Variants in GNPTAB observed in about 807,000 individuals in gnomAD.
The protein encoded by GNPTAB is N-acetylglucosamine-1-phosphate transferase subunits alpha and beta, also known as N-acetylglucosamine-1-phosphotransferase subunits alpha/beta.
Under a neutral mutation model 136.6 loss-of-function variants are expected in GNPTAB, and 92 were observed. That is an observed-to-expected ratio of 0.67 (90% CI 0.57 to 0.80). The LOEUF is 0.80. Among genes scored for constraint, GNPTAB ranks in the 30% least tolerant of loss-of-function variants. The pLI is 0.00. For synonymous variants in GNPTAB, 512 were observed against 535.1 expected, an observed-to-expected ratio of 0.96 and a Z score of 0.60; for missense variants, 1,343 against 1,501.8, an observed-to-expected ratio of 0.89 and a Z score of 1.75.
intron 1 of GNPTAB, among the ~76,000 whole-genome samples, chr12:101,798,818 CATGTTTCTTACGTATTTTTCAT>C: frequency 6.6e-6 from 1 of 152,312 alleles, no homozygotes; most frequent in Non-Finnish European, 1.5e-5. Flanking sequence ...AGTGATCTCT[CATGTTTCTTACGTATTTTTCAT>C]ATTTAGTGCA....
chr12:101,820,385 T>C (rs1021088904), intron 1 of GNPTAB, among the ~76,000 whole-genome samples: 2 of 152,186 alleles, frequency 1.3e-5, no homozygotes, highest in African/African-American at 4.8e-5. Flanking sequence ...AATCTGTCCA[T>C]TTCTCTTCCT....
intron 1 of GNPTAB, among the ~76,000 whole-genome samples, chr12:101,822,902 C>A (rs1566102309): frequency 1.3e-5 from 2 of 152,192 alleles, no homozygotes. Context: ...TTACAGCCAG[C>A]TGCCTACCCA....
chr12:101,804,269 T>C (rs1215598262), intron 1 of GNPTAB, among the ~76,000 whole-genome samples: 1 of 149,102 alleles, frequency 6.7e-6, no homozygotes. Context: ...CTCTACTATA[T>C]AAAAGTCATA....
intron 1 of GNPTAB, among the ~76,000 whole-genome samples, chr12:101,811,707 C>G (rs1870246672): frequency 1.3e-5 from 2 of 149,524 alleles, no homozygotes; most frequent in African/African-American, 4.9e-5. Context: ...GGTGAGATCT[C>G]AGCTCACTGC....
chr12:101,800,873 T>C (rs1463898164), intron 1 of GNPTAB, among the ~76,000 whole-genome samples: 2 of 151,976 alleles, frequency 1.3e-5, no homozygotes, highest in Non-Finnish European at 2.9e-5. Flanking sequence ...TTGAAGCTTC[T>C]AAGCACACTC....
chr12:101,796,485 G>T, intron 2 of GNPTAB, 192 bp downstream of exon 2: 1 of 616,182 alleles, frequency 1.6e-6, no homozygotes, highest in South Asian at 2.0e-5. Flanking sequence ...TCTCTGTATC[G>T]TTCCAGTTTT....
chr12:101,810,422 T>TATATATATAC (rs1333881296), intron 1 of GNPTAB: 1 of 94,436 alleles, frequency 1.1e-5, no homozygotes, highest in East Asian at 3.1e-4. Flanking sequence ...TATATATATA[T>TATATATATAC]ACACACACAT....
chr12:101,821,057 CAAAAAAAAAAAA>C (rs57630700), intron 1 of GNPTAB, among the ~76,000 whole-genome samples: 4 of 28,686 alleles, frequency 1.4e-4, no homozygotes, highest in Admixed American at 4.2e-4. Flanking sequence ...GACTCCGTCT[CAAAAAAAAAAAA>C]AAAAAAAAAA....
intron 4 of GNPTAB, 22 bp from the exon 5 acceptor site, chr12:101,786,239 C>T: frequency 1.3e-6 from 2 of 1,572,374 alleles, no homozygotes; most frequent in African/African-American, 1.3e-5. Context: ...CACCAACATG[C>T]TTACAATTAC....
chr12:101,761,508 T>C, intron 14 of GNPTAB, 56 bp downstream of exon 14: 1 of 1,524,958 alleles, frequency 6.6e-7, no homozygotes, highest in South Asian at 1.1e-5. Flanking sequence ...TATGCACATT[T>C]CAAGTAGCCT....
At chr12:101,761,887 T>C (rs914826046) in intron 13 of GNPTAB, 124 bp from the exon 14 acceptor site, 24 of 765,636 alleles carry the variant, frequency 3.1e-5, no homozygotes, top group East Asian at 1.0e-4. Context: ...GCAAATGAAA[T>C]ACATGTTAAC....
intron 1 of GNPTAB, among the ~76,000 whole-genome samples, chr12:101,802,455 T>C (rs1269226547): frequency 6.6e-6 from 1 of 152,060 alleles, no homozygotes; most frequent in Non-Finnish European, 1.5e-5. Flanking sequence ...TGGTTCACAT[T>C]CTTGTCAGTG....
At chr12:101,770,796 A>G (rs1331638192) in intron 8 of GNPTAB, among the ~76,000 whole-genome samples, 200 bp downstream of exon 8, 1 of 152,174 alleles carries the variant, frequency 6.6e-6, no homozygotes, top group African/African-American at 2.4e-5. Context: ...TCTATAACAC[A>G]CTTTATGAAG....
intron 19 of GNPTAB, among the ~76,000 whole-genome samples, 163 bp downstream of exon 19, chr12:101,753,209 C>T (rs561245357): frequency 1.7e-4 from 25 of 151,348 alleles, no homozygotes; most frequent in African/African-American, 5.8e-4. Context: ...GCTGAGGTTG[C>T]GCCATTGCAC....
chr12:101,824,796 C>T lies in GNPTAB; in HGVS notation c.117+5763G>A, dbSNP rs1871005457. On this transcript the variant is annotated intron_variant, in intron 1 of 20. Coordinates refer to ENST00000299314, the MANE Select transcript of GNPTAB (RefSeq NM_024312.5). ...AGTTAACAAACTGGTTAATAATAAA[C>T]TAGTTAATAAGCTAGGTCTGAGTTG... 2.0e-5 allele frequency among the ~76,000 whole-genome samples: 3 copies of T among 152,022 alleles called. No homozygotes were observed. In the South Asian group the frequency reaches 6.2e-4, roughly 32 times the overall value.
chr12:101,830,470 A>T (rs1871307274), intron 1 of GNPTAB, 89 bp downstream of exon 1: 2 of 751,434 alleles, frequency 2.7e-6, no homozygotes, highest in Admixed American at 2.0e-5. Context: ...AATAATGAAA[A>T]AATACATACT....
At chr12:101,763,841 T>C (rs967938189) in intron 13 of GNPTAB, among the ~76,000 whole-genome samples, 2 of 152,184 alleles carry the variant, frequency 1.3e-5, no homozygotes, top group African/African-American at 4.8e-5. Flanking sequence ...ATGAACTTAA[T>C]TGAACTTCAG....
chr12:101,801,263 C>T (rs1869606847), intron 1 of GNPTAB, among the ~76,000 whole-genome samples: 1 of 126,628 alleles, frequency 7.9e-6, no homozygotes, highest in South Asian at 2.4e-4. Flanking sequence ...AAAAAAAGGC[C>T]AGGCATAGTT....
At chr12:101,753,683 T>C (rs1006557312) in intron 18 of GNPTAB, 144 bp from the exon 19 acceptor site, 15 of 726,392 alleles carry the variant, frequency 2.1e-5, no homozygotes, top group African/African-American at 3.6e-5. Context: ...GGGGGAATGA[T>C]ATTCTATAAA....
Sources: gnomAD v4.1 joint callset for allele counts (sites outside exome capture counted in the v4.1 genomes callset) on GRCh38, gnomAD v4.1.1 for gene constraint, MANE v1.5 for transcripts, NCBI Gene and HGNC (gene_info 2026-07-23, HGNC 2026-07-21) for gene names.